Variants in DDX60L observed in about 807,000 individuals in gnomAD.
DDX60L encodes DExD/H-box 60 like.
DDX60L carries 191 observed loss-of-function variants against 211.6 expected under a neutral mutation model. The observed-to-expected ratio is 0.90, with a 90% CI of 0.80 to 1.02. The LOEUF (loss-of-function observed/expected upper bound fraction) is 1.02. Among genes scored for constraint, DDX60L ranks in the 50% least tolerant of loss-of-function variants. The probability of loss-of-function intolerance (pLI) is 0.00; values close to 1 mark genes in which losing one functional copy is unlikely to be tolerated. For synonymous variants in DDX60L, 706 were observed against 694.1 expected, an observed-to-expected ratio of 1.02 and a Z score of -0.27; for missense variants, 2,007 against 1,984.1, an observed-to-expected ratio of 1.01 and a Z score of -0.22.
chr4:168,451,729 G>T (rs1755830803), intron 8 of DDX60L, among the ~76,000 whole-genome samples: 1 of 152,134 alleles, frequency 6.6e-6, no homozygotes. Context: ...GATTTCCTAA[G>T]TCCTTAACAG....
intron 22 of DDX60L, among the ~76,000 whole-genome samples, chr4:168,412,416 C>T (rs978691332): frequency 6.6e-6 from 1 of 152,058 alleles, no homozygotes; most frequent in South Asian, 2.1e-4. Flanking sequence ...ACTGAAGAGG[C>T]CTTGGGCCTT....
chr4:168,431,784 A>G, intron 12 of DDX60L, among the ~76,000 whole-genome samples: 1 of 152,194 alleles, frequency 6.6e-6, no homozygotes, highest in Non-Finnish European at 1.5e-5. Flanking sequence ...AAAGACACTA[A>G]AAGAATGAAC....
At chr4:168,376,591 G>T (rs1313971139) in intron 33 of DDX60L, among the ~76,000 whole-genome samples, 1 of 152,174 alleles carries the variant, frequency 6.6e-6, no homozygotes, top group Non-Finnish European at 1.5e-5. Context: ...CTCCATCTGT[G>T]GATGGACCAA....
At chr4:168,458,562 C>A (rs768152920) in intron 5 of DDX60L, among the ~76,000 whole-genome samples, 4 of 152,132 alleles carry the variant, frequency 2.6e-5, no homozygotes, top group Non-Finnish European at 5.9e-5. Flanking sequence ...ACCAGACAAC[C>A]AAACACCACA....
chr4:168,432,641 A>G (rs1324400891), intron 11 of DDX60L, 71 bp from the exon 12 acceptor site: 5 of 859,694 alleles, frequency 5.8e-6, no homozygotes, highest in Non-Finnish European at 8.5e-6. Context: ...TCAGGCTGTG[A>G]TAACAGAAAT....
chr4:168,471,617 T>C (rs878888636), intron 4 of DDX60L, 130 bp downstream of exon 4: 2 of 669,522 alleles, frequency 3.0e-6, no homozygotes, highest in South Asian at 3.1e-5. Flanking sequence ...GGTAATTTTT[T>C]CTTTTGTTAA....
chr4:168,428,459 A>G (rs977503109), intron 13 of DDX60L, among the ~76,000 whole-genome samples: 8 of 152,150 alleles, frequency 5.3e-5, no homozygotes, highest in African/African-American at 1.4e-4. Context: ...TCTGATTAAC[A>G]ATTTTCTGAA....
At chr4:168,422,341 A>T (rs1272183035) in intron 16 of DDX60L, among the ~76,000 whole-genome samples, 183 bp downstream of exon 16, 2 of 152,224 alleles carry the variant, frequency 1.3e-5, no homozygotes, top group Admixed American at 1.3e-4. Context: ...GGTGAAAATA[A>T]AAAGGCCAAG....
At position 168,405,870 on chromosome 4, in the gene DDX60L, C is replaced by T. The variant is rs994485445; in HGVS notation, c.3213+80G>A. 7.1e-6 allele frequency: 10 copies of T among 1,401,148 alleles called. No individual in the cohort carries two copies. In the South Asian group the frequency reaches 1.2e-4, roughly 17 times the overall value. The allele number at this position is 1,401,148 out of a possible 1,614,324, so 86.8% of individuals were successfully genotyped here. On this transcript the variant is annotated intron_variant, in intron 24 of 37. Transcript: ENST00000682922. ...AAATCGGAATAAAAAGATTACAAAA[C>T]ATTTATTGGCTAAATTATTATGCAA...
At chr4:168,404,144 AGAATTTGTGG>A in intron 24 of DDX60L, 38 bp from the exon 25 acceptor site, 3 of 1,151,984 alleles carry the variant, frequency 2.6e-6, no homozygotes, top group Non-Finnish European at 3.5e-6. Flanking sequence ...AAAAAAAAAA[AGAATTTGTGG>A]AAACAGAAGA....
intron 30 of DDX60L, among the ~76,000 whole-genome samples, chr4:168,383,116 C>T (rs1459272686): frequency 6.6e-6 from 1 of 152,136 alleles, no homozygotes; most frequent in Non-Finnish European, 1.5e-5. Flanking sequence ...GAGTCTATAG[C>T]CAATATTCAA....
intron 8 of DDX60L, among the ~76,000 whole-genome samples, chr4:168,450,040 C>T (rs541672389): frequency 5.9e-5 from 9 of 152,114 alleles, no homozygotes; most frequent in African/African-American, 1.9e-4. Context: ...CAAAACAAAC[C>T]CCCTTCATTC....
At position 168,466,497 on chromosome 4, in the gene DDX60L, A is replaced by G. The variant is rs115423210; in HGVS notation, c.265-4457T>C. Among the ~76,000 whole-genome samples, 363 of 152,350 alleles carry G rather than the reference A, an allele frequency of 2.4e-3. 2 individuals are homozygous for G. Among genetic ancestry groups the G allele is most frequent in the African/African-American group, 8.3e-3 (344 of 41,588 alleles). On this transcript the variant is annotated intron_variant, in intron 4 of 37. Coordinates refer to ENST00000682922, the MANE Select transcript of DDX60L (RefSeq NM_001012967.3). ...AGTATATCAGGTTATAGAATCAGAG[A>G]TACAACAATGACAAATTACATTTCA...
At chr4:168,403,958 A>T in intron 25 of DDX60L, 24 bp downstream of exon 25, 2 of 1,385,530 alleles carry the variant, frequency 1.4e-6, no homozygotes, top group African/African-American at 1.5e-5. Context: ...ATAAACAAAG[A>T]TAAATTAAGT....
chr4:168,419,283 GAACT>G lies in DDX60L; in HGVS notation c.2610+15_2610+18del, dbSNP rs1416942607. 1.3e-6 allele frequency: 2 copies of G among 1,550,830 alleles called. No individual in the cohort carries two copies. The highest frequency in any genetic ancestry group is 1.8e-6 in the Non-Finnish European group (2 of 1,138,568). On this transcript the variant is annotated intron_variant, in intron 19 of 37. Coordinates refer to ENST00000682922, the MANE Select transcript of DDX60L (RefSeq NM_001012967.3). ...TATGCAGACTAGAACATCAACCAGA[GAACT>G]AACACCAAACCTACCTCATCAAATA...
intron 30 of DDX60L, among the ~76,000 whole-genome samples, chr4:168,381,881 G>A (rs13151660): frequency 0.54 from 82,494 of 151,882 alleles, 23,092 homozygotes; most frequent in East Asian, 0.72. Flanking sequence ...CCTCACAAAC[G>A]TTATTATATG....
intron 30 of DDX60L, among the ~76,000 whole-genome samples, chr4:168,384,049 T>A (rs1307729715): frequency 1.3e-5 from 2 of 152,134 alleles, no homozygotes; most frequent in African/African-American, 4.8e-5. Context: ...AAACTACATC[T>A]TTCTCCTGTG....
chr4:168,432,242 T>TATA (rs1554011263), intron 12 of DDX60L, among the ~76,000 whole-genome samples: 2 of 147,878 alleles, frequency 1.4e-5, no homozygotes, highest in African/African-American at 4.9e-5. Context: ...TATATATATA[T>TATA]TGTGTGTGTG....
chr4:168,402,907 C>A (rs1465261383), intron 25 of DDX60L, among the ~76,000 whole-genome samples: 1 of 152,134 alleles, frequency 6.6e-6, no homozygotes, highest in Non-Finnish European at 1.5e-5. Flanking sequence ...TTTAAAATGT[C>A]TATTTTTAAA....
Sources: gnomAD v4.1 joint callset for allele counts (sites outside exome capture counted in the v4.1 genomes callset) on GRCh38, gnomAD v4.1.1 for gene constraint, MANE v1.5 for transcripts, NCBI Gene and HGNC (gene_info 2026-07-23, HGNC 2026-07-21) for gene names.